The following GRIN2A variants were observed in gnomAD, a reference collection of about 807,000 sequenced individuals.
GRIN2A encodes glutamate ionotropic receptor NMDA type subunit 2A, also known as glutamate receptor ionotropic, NMDA 2A.
GRIN2A carries 22 observed loss-of-function variants against 113.4 expected under a neutral mutation model. That is an observed-to-expected ratio of 0.19 (90% CI 0.14 to 0.28). The LOEUF (loss-of-function observed/expected upper bound fraction) is 0.28, where lower values mean the gene tolerates loss of function less well. Ranked by LOEUF, GRIN2A falls within the 10% of genes least tolerant of loss-of-function variation. The probability of loss-of-function intolerance (pLI) is 1.00; values close to 1 mark genes in which losing one functional copy is unlikely to be tolerated. For missense variants in GRIN2A, 1,502 were observed against 1,887.0 expected (o/e 0.80, Z 3.78); for synonymous variants, 827 against 738.4 (o/e 1.12, Z -1.94).
At chr16:10,132,000 T>C (rs2049074150) in intron 2 of GRIN2A, among the ~76,000 whole-genome samples, 1 of 152,150 alleles carries the variant, frequency 6.6e-6, no homozygotes, top group Non-Finnish European at 1.5e-5. Context: ...AAAAAAGTAT[T>C]ATAATCCCCA....
intron 2 of GRIN2A, among the ~76,000 whole-genome samples, chr16:9,982,422 C>T (rs904657837): frequency 6.6e-6 from 1 of 152,202 alleles, no homozygotes; most frequent in Non-Finnish European, 1.5e-5. Flanking sequence ...TATTCCAATT[C>T]TACTATTCCT....
Position 9,765,622 on chromosome 16 carries a change from A to T in GRIN2A, c.2596-674T>A, listed in dbSNP as rs183809418. On this transcript the variant is annotated intron_variant, in intron 12 of 12. Coordinates refer to ENST00000330684, the MANE Select transcript of GRIN2A (RefSeq NM_001134407.3). ...AGACTTACCATCATGTGGGGGTGTG[A>T]GCCTATCAGTGAAGCCATTGCAGTG... 2.3e-3 allele frequency among the ~76,000 whole-genome samples: 353 copies of T among 152,232 alleles called. 2 individuals are homozygous for T. Among genetic ancestry groups the T allele is most frequent in the Non-Finnish European group, 2.9e-3 (198 of 68,026 alleles).
At chr16:9,810,026 C>T (rs1040391059) in intron 10 of GRIN2A, among the ~76,000 whole-genome samples, 31 of 152,136 alleles carry the variant, frequency 2.0e-4, no homozygotes, top group Admixed American at 1.1e-3. Flanking sequence ...CGAGATCGCG[C>T]CGTTGCACTC....
chr16:10,026,922 T>C (rs943497096), intron 2 of GRIN2A, among the ~76,000 whole-genome samples: 1 of 152,200 alleles, frequency 6.6e-6, no homozygotes, highest in East Asian at 1.9e-4. Context: ...CTATTCCACC[T>C]GCCTGTTCTC....
At chr16:9,852,763 A>G (rs1339569904) in intron 4 of GRIN2A, among the ~76,000 whole-genome samples, 2 of 152,212 alleles carry the variant, frequency 1.3e-5, no homozygotes, top group Non-Finnish European at 2.9e-5. Flanking sequence ...AGGAGAACAG[A>G]CATTCTTCAC....
At chr16:10,101,783 C>T (rs575739837) in intron 2 of GRIN2A, among the ~76,000 whole-genome samples, 1 of 152,218 alleles carries the variant, frequency 6.6e-6, no homozygotes, top group Non-Finnish European at 1.5e-5. Flanking sequence ...GCATCCCTCA[C>T]ACAACCTTCA....
intron 2 of GRIN2A, 62 bp from the exon 3 acceptor site, chr16:9,938,613 A>C: frequency 1.7e-6 from 2 of 1,153,456 alleles, no homozygotes; most frequent in Non-Finnish European, 2.6e-6. Context: ...TAGAAGCACA[A>C]ACTGCGTCCT....
chr16:9,816,110 G>C (rs1192618913), intron 10 of GRIN2A, among the ~76,000 whole-genome samples: 4 of 152,180 alleles, frequency 2.6e-5, no homozygotes. Flanking sequence ...CTAGGGAAAA[G>C]GGGGTTGAGG....
At chr16:10,031,070 G>C (rs2046919837) in intron 2 of GRIN2A, among the ~76,000 whole-genome samples, 1 of 152,180 alleles carries the variant, frequency 6.6e-6, no homozygotes, top group Non-Finnish European at 1.5e-5. Context: ...CAGAATTTGA[G>C]AAGAGAAGAA....
chr16:10,045,736 A>G (rs1048470635), intron 2 of GRIN2A, among the ~76,000 whole-genome samples: 1 of 152,254 alleles, frequency 6.6e-6, no homozygotes, highest in African/African-American at 2.4e-5. Flanking sequence ...GTCCTCCTGA[A>G]GCAGATCATC....
chr16:9,972,232 G>C (rs754096750), intron 2 of GRIN2A, among the ~76,000 whole-genome samples: 5 of 152,188 alleles, frequency 3.3e-5, no homozygotes, highest in Admixed American at 1.3e-4. Context: ...ATATGGAAAT[G>C]TAAGTATAAC....
At chr16:9,977,299 G>C (rs3104706) in intron 2 of GRIN2A, among the ~76,000 whole-genome samples, 34,330 of 149,778 alleles carry the variant, frequency 0.23, 4,698 homozygotes, top group South Asian at 0.44. Flanking sequence ...GAGCAAGGGA[G>C]GAAGGGGGGA....
intron 11 of GRIN2A, among the ~76,000 whole-genome samples, chr16:9,771,047 G>C (rs1029655469): frequency 2.6e-5 from 4 of 152,178 alleles, no homozygotes; most frequent in African/African-American, 9.7e-5. Context: ...CATCAACAAT[G>C]AATGAGAGAG....
At chr16:9,803,000 A>G (rs1903458653) in intron 10 of GRIN2A, among the ~76,000 whole-genome samples, 2 of 146,428 alleles carry the variant, frequency 1.4e-5, no homozygotes, top group South Asian at 4.3e-4. Context: ...GGAAAAAATA[A>G]TTGTTCCTGT....
At chr16:9,880,794 C>G (rs2043464049) in intron 4 of GRIN2A, among the ~76,000 whole-genome samples, 1 of 152,202 alleles carries the variant, frequency 6.6e-6, no homozygotes, top group Admixed American at 6.5e-5. Flanking sequence ...CTCGTGAGAC[C>G]TTGTTCAAAC....
At position 9,794,986 on chromosome 16, in the gene GRIN2A, G is replaced by A. The variant is rs1292948359; in HGVS notation, c.2356+3291C>T. Among the ~76,000 whole-genome samples the A allele has an allele frequency of 5.3e-5, 8 of 152,016 alleles. No individual in the cohort carries two copies. The East Asian group carries it at 5.8e-4, about 11-fold the overall frequency. Reference sequence around the variant, plus strand: ...GGCCATGATGATGGTGGTGATGATCGTGGTAATGAGGATGATGGCAATGGT... The same window carrying A: ...GGCCATGATGATGGTGGTGATGATCATGGTAATGAGGATGATGGCAATGGT... On this transcript the variant is annotated intron_variant, in intron 11 of 12. Coordinates refer to ENST00000330684, the MANE Select transcript of GRIN2A (RefSeq NM_001134407.3).
At chr16:10,153,837 T>C (rs1335488022) in intron 2 of GRIN2A, among the ~76,000 whole-genome samples, 1 of 152,182 alleles carries the variant, frequency 6.6e-6, no homozygotes, top group African/African-American at 2.4e-5. Flanking sequence ...AGATATTCAT[T>C]CAACAAACAC....
chr16:9,938,264 G>C lies in GRIN2A; in HGVS notation c.702C>G (p.Asp234Glu). 6.2e-7 allele frequency: 1 copy of C among 1,614,090 alleles called. No homozygotes were observed. The highest frequency in any genetic ancestry group is 1.1e-5 in the South Asian group (1 of 91,078). ...CCTCACTCAGAATGAGAACAGCCTC[G>C]TCTTTGGAACAGTAGAGCAAGATGA... Reference protein sequence around the residue: ...SSVILLYCSKDEAVLILSEAR... With the variant: ...SSVILLYCSKEEAVLILSEAR... Residue 234 changes from aspartate to glutamate, a missense_variant, in exon 3 of 13, where the codon GAC becomes GAG. Around this residue, in one of 7 missense-constraint regions of GRIN2A, gnomAD observed 334 missense variants for 403.0 expected, o/e 0.83. Coordinates refer to ENST00000330684, the MANE Select transcript of GRIN2A (RefSeq NM_001134407.3).
At chr16:9,914,471 T>C (rs544312311) in intron 3 of GRIN2A, among the ~76,000 whole-genome samples, 114 of 152,378 alleles carry the variant, frequency 7.5e-4, no homozygotes, top group African/African-American at 2.6e-3. Flanking sequence ...CTGCACCTGC[T>C]TTCAGTATCA....
Sources: gnomAD v4.1 joint callset for allele counts (sites outside exome capture counted in the v4.1 genomes callset) on GRCh38, gnomAD v4.1.1 for gene constraint, gnomAD v4.1.1 regional missense constraint, MANE v1.5 for transcripts, NCBI Gene and HGNC (gene_info 2026-07-23, HGNC 2026-07-21) for gene names.